The following CNTNAP2 variants were observed in gnomAD, a reference collection of about 807,000 sequenced individuals.
CNTNAP2 encodes the protein contactin associated protein 2.
Under a neutral mutation model 155.2 loss-of-function variants are expected in CNTNAP2, and 98 were observed. That is an observed-to-expected ratio of 0.63 (90% confidence interval 0.54 to 0.75). The LOEUF is 0.75. CNTNAP2 is among the 30% of genes least tolerant of loss of function. CNTNAP2 has a pLI of 0.00. For synonymous variants in CNTNAP2, 651 were observed against 631.2 expected, an observed-to-expected ratio of 1.03 and a Z score of -0.47; for missense variants, 1,727 against 1,688.1, an observed-to-expected ratio of 1.02 and a Z score of -0.40.
intron 21 of CNTNAP2, among the ~76,000 whole-genome samples, chr7:148,364,695 C>G (rs527648821): frequency 6.6e-6 from 1 of 152,164 alleles, no homozygotes; most frequent in Non-Finnish European, 1.5e-5. Flanking sequence ...GGATTGTAAA[C>G]GCACCAATCA....
intron 3 of CNTNAP2, among the ~76,000 whole-genome samples, chr7:146,986,493 G>C (rs1798116635): frequency 1.3e-5 from 2 of 152,140 alleles, no homozygotes. Context: ...TTCATTTAGT[G>C]ACTCATTTAC....
intron 1 of CNTNAP2, among the ~76,000 whole-genome samples, chr7:146,319,313 A>G (rs894419440): frequency 1.3e-5 from 2 of 152,174 alleles, no homozygotes; most frequent in African/African-American, 4.8e-5. Context: ...AAAATACTTT[A>G]AAAAACTTGT....
chr7:147,144,044 A>C (rs550622787), intron 8 of CNTNAP2, among the ~76,000 whole-genome samples: 14 of 152,138 alleles, frequency 9.2e-5, no homozygotes, highest in Non-Finnish European at 1.3e-4. Flanking sequence ...CAAGAGAATA[A>C]ATTTTTTTTG....
At chr7:146,168,207 A>G (rs1044158321) in intron 1 of CNTNAP2, among the ~76,000 whole-genome samples, 12 of 152,118 alleles carry the variant, frequency 7.9e-5, no homozygotes, top group African/African-American at 2.7e-4. Context: ...ACCCAGGAAC[A>G]ATACTTTGCC....
At chr7:146,937,774 C>G (rs1372372425) in intron 3 of CNTNAP2, among the ~76,000 whole-genome samples, 1 of 152,088 alleles carries the variant, frequency 6.6e-6, no homozygotes, top group Non-Finnish European at 1.5e-5. Context: ...GGGTTAGAAT[C>G]TAGTTTAATA....
intron 3 of CNTNAP2, among the ~76,000 whole-genome samples, chr7:146,889,159 T>C (rs1795730136): frequency 6.6e-6 from 1 of 152,198 alleles, no homozygotes; most frequent in African/African-American, 2.4e-5. Context: ...GCTTTTTCTA[T>C]ATTAATTATA....
At chr7:148,243,584 G>A (rs1432969910) in intron 20 of CNTNAP2, among the ~76,000 whole-genome samples, 1 of 152,090 alleles carries the variant, frequency 6.6e-6, no homozygotes, top group African/African-American at 2.4e-5. Context: ...GAGCGCTTGT[G>A]GAGGGGAATG....
At chr7:146,296,844 G>T (rs2129087564) in intron 1 of CNTNAP2, among the ~76,000 whole-genome samples, 1 of 152,076 alleles carries the variant, frequency 6.6e-6, no homozygotes, top group South Asian at 2.1e-4. Context: ...TTATATATAT[G>T]TATGAAGACT....
At position 147,482,148 on chromosome 7, in the gene CNTNAP2, G is replaced by T. The variant is rs573643185; in HGVS notation, c.1671-3787G>T. Among the ~76,000 whole-genome samples the T allele has an allele frequency of 2.1e-4, 32 of 152,218 alleles. No individual in the cohort carries two copies. In the South Asian group the frequency reaches 3.9e-3, roughly 19 times the overall value. On this transcript the variant is annotated intron_variant, in intron 10 of 23. Coordinates refer to ENST00000361727, the MANE Select transcript of CNTNAP2 (RefSeq NM_014141.6). ...TAATTGTAGGAATCTCAGTTCAGAA[G>T]AGACAGGTGCTCAACAAACCATTGC...
chr7:147,759,989 T>TACTG (rs751571818), intron 13 of CNTNAP2, among the ~76,000 whole-genome samples: 16 of 152,302 alleles, frequency 1.1e-4, no homozygotes, highest in Non-Finnish European at 2.4e-4. Context: ...AAGGATTCTT[T>TACTG]ACTGGGTCAT....
chr7:147,034,191 C>A (rs1005835329), intron 3 of CNTNAP2, among the ~76,000 whole-genome samples: 1 of 152,180 alleles, frequency 6.6e-6, no homozygotes, highest in Non-Finnish European at 1.5e-5. Context: ...TTGGTGCTGG[C>A]AGGAGTGCCT....
intron 13 of CNTNAP2, among the ~76,000 whole-genome samples, chr7:147,651,021 G>A (rs1380109767): frequency 6.6e-6 from 1 of 152,084 alleles, no homozygotes; most frequent in East Asian, 1.9e-4. Flanking sequence ...TATATTTGGA[G>A]GAAAGATGAG....
At chr7:146,351,844 C>G (rs1794918951) in intron 1 of CNTNAP2, among the ~76,000 whole-genome samples, 1 of 146,656 alleles carries the variant, frequency 6.8e-6, no homozygotes, top group South Asian at 2.1e-4. Flanking sequence ...GCTGTGAGGT[C>G]TGTGTTGTAA....
intron 13 of CNTNAP2, among the ~76,000 whole-genome samples, chr7:147,855,078 C>T (rs180890075): frequency 2.8e-4 from 43 of 152,216 alleles, no homozygotes; most frequent in Middle Eastern, 3.4e-3. Context: ...TTCTTTAACA[C>T]GATTACTAGA....
chr7:147,022,013 T>A (rs2129246843), intron 3 of CNTNAP2, among the ~76,000 whole-genome samples: 1 of 152,270 alleles, frequency 6.6e-6, no homozygotes, highest in African/African-American at 2.4e-5. Flanking sequence ...TTTTTCAAGT[T>A]TTTCTTATTT....
At chr7:147,138,420 T>G (rs1338938789) in intron 8 of CNTNAP2, among the ~76,000 whole-genome samples, 6 of 151,982 alleles carry the variant, frequency 3.9e-5, no homozygotes, top group African/African-American at 1.4e-4. Flanking sequence ...AATTCACAAA[T>G]AGACTTGCTG....
At chr7:147,814,830 C>T (rs915996110) in intron 13 of CNTNAP2, among the ~76,000 whole-genome samples, 4 of 152,042 alleles carry the variant, frequency 2.6e-5, no homozygotes, top group African/African-American at 9.7e-5. Flanking sequence ...TATATATAGT[C>T]GTCCTACAAA....
intron 1 of CNTNAP2, among the ~76,000 whole-genome samples, chr7:146,361,585 A>G (rs1795083475): frequency 6.6e-6 from 1 of 152,192 alleles, no homozygotes; most frequent in African/African-American, 2.4e-5. Flanking sequence ...AAATTGCTAA[A>G]TGGTACCCCA....
At chr7:148,340,014 C>T (rs1464016460) in intron 21 of CNTNAP2, among the ~76,000 whole-genome samples, 1 of 103,008 alleles carries the variant, frequency 9.7e-6, no homozygotes, top group Non-Finnish European at 2.0e-5. Flanking sequence ...TGTGTGTAGG[C>T]AAAGCTGAGA....
Sources: allele counts gnomAD v4.1 joint callset (sites outside exome capture counted in the v4.1 genomes callset), GRCh38; gene constraint gnomAD v4.1.1; transcripts MANE v1.5; gene names NCBI Gene and HGNC (gene_info 2026-07-23, HGNC 2026-07-21).